The following KCTD16 variants were observed in gnomAD, a reference collection of about 807,000 sequenced individuals.
The protein encoded by KCTD16 is potassium channel tetramerization domain containing 16, also known as BTB/POZ domain-containing protein KCTD16.
Under a neutral mutation model 33.2 loss-of-function variants are expected in KCTD16, and 13 were observed. The observed-to-expected ratio is 0.39, with a 90% CI of 0.25 to 0.62. The LOEUF (loss-of-function observed/expected upper bound fraction) is 0.62, where lower values mean the gene tolerates loss of function less well. KCTD16 is among the 20% of genes least tolerant of loss of function. The pLI, the probability that KCTD16 is intolerant of heterozygous loss-of-function variation, is 0.50. For synonymous variants in KCTD16, 197 were observed against 195.3 expected (o/e 1.01, Z -0.07); for missense variants, 441 against 525.1 (o/e 0.84, Z 1.57).
chr5:144,417,854 C>G (rs1753105203), intron 3 of KCTD16, among the ~76,000 whole-genome samples: 1 of 152,106 alleles, frequency 6.6e-6, no homozygotes, highest in Admixed American at 6.6e-5. Flanking sequence ...GAAGATGTGT[C>G]TGGAATTGGT....
At chr5:144,261,167 C>CAAAA (rs1299878040) in intron 3 of KCTD16, among the ~76,000 whole-genome samples, 50 of 78,038 alleles carry the variant, frequency 6.4e-4, no homozygotes, top group African/African-American at 1.4e-3. Flanking sequence ...GGAACAACAA[C>CAAAA]AAAAAAAAAA....
At chr5:144,252,969 CTT>C in intron 3 of KCTD16, among the ~76,000 whole-genome samples, 1 of 146,676 alleles carries the variant, frequency 6.8e-6, no homozygotes, top group African/African-American at 2.5e-5. Context: ...ATCAGTAGCT[CTT>C]TTGGATTTCC....
At position 144,192,377 on chromosome 5, in the gene KCTD16, G is replaced by T. The variant is rs1352473321; in HGVS notation, c.-326-14012G>T. ...AAATCATATGTTCAATGTGATACAC[G>T]ATTTCATTCTATCAAGTTCTGCCTT... On this transcript the variant is annotated intron_variant, in intron 2 of 3. Transcript: ENST00000512467. Among the ~76,000 whole-genome samples, 3 of 152,140 alleles carry T rather than the reference G, an allele frequency of 2.0e-5. No homozygotes were observed. The East Asian group carries it at 5.8e-4, about 29-fold the overall frequency.
At chr5:144,457,910 G>A (rs1178567562) in intron 3 of KCTD16, among the ~76,000 whole-genome samples, 1 of 152,138 alleles carries the variant, frequency 6.6e-6, no homozygotes, top group Admixed American at 6.5e-5. Context: ...GCATACAACT[G>A]CCCATTGGTG....
At chr5:144,445,714 TCTTCCTCATTTTGGC>T (rs1307666623) in intron 3 of KCTD16, among the ~76,000 whole-genome samples, 1 of 151,904 alleles carries the variant, frequency 6.6e-6, no homozygotes, top group Non-Finnish European at 1.5e-5. Context: ...GCTTTGTTCC[TCTTCCTCATTTTGGC>T]CTAGACCTTT....
At chr5:144,300,479 A>T (rs907126195) in intron 3 of KCTD16, among the ~76,000 whole-genome samples, 3 of 152,212 alleles carry the variant, frequency 2.0e-5, no homozygotes, top group African/African-American at 7.2e-5. Flanking sequence ...GAGACAGTGT[A>T]GTAGAAAGTA....
rs555327611 is a variant in KCTD16 at position 144,236,539 on chromosome 5, G to A, written c.832+28993G>A. On this transcript the variant is annotated intron_variant, in intron 3 of 3. Transcript: ENST00000512467. The stretch of plus-strand genomic sequence containing the variant: ...TATAGCTCTCTTATAGTAATATAGA[G>A]ATAATATAAGATATACACAACTCAT... 3.9e-5 allele frequency among the ~76,000 whole-genome samples: 6 copies of A among 152,252 alleles called. No individual in the cohort carries two copies. In the South Asian group the frequency reaches 1.2e-3, roughly 32 times the overall value.
intron 3 of KCTD16, among the ~76,000 whole-genome samples, chr5:144,426,343 CACG>C (rs1359995285): frequency 6.6e-6 from 1 of 152,164 alleles, no homozygotes; most frequent in Non-Finnish European, 1.5e-5. Context: ...GCATTCTGAT[CACG>C]ACTACTTAAG....
chr5:144,439,407 A>G, intron 3 of KCTD16: 1 of 447,530 alleles, frequency 2.2e-6, no homozygotes, highest in Non-Finnish European at 4.4e-6. Context: ...AGTCCATTAT[A>G]TGAACCATGA....
At chr5:144,209,906 A>G (rs1408409292) in intron 3 of KCTD16, among the ~76,000 whole-genome samples, 5 of 140,298 alleles carry the variant, frequency 3.6e-5, no homozygotes, top group Admixed American at 7.2e-5. Flanking sequence ...GTGTATATAT[A>G]TGTATATATA....
chr5:144,376,989 G>A (rs1752107153), intron 3 of KCTD16, among the ~76,000 whole-genome samples: 1 of 152,172 alleles, frequency 6.6e-6, no homozygotes, highest in Non-Finnish European at 1.5e-5. Context: ...CTTATTGCAG[G>A]CTTGGGTGTA....
chr5:144,346,926 GC>G (rs1194180555), intron 3 of KCTD16, among the ~76,000 whole-genome samples: 1 of 152,046 alleles, frequency 6.6e-6, no homozygotes, highest in East Asian at 1.9e-4. Context: ...AGAAATCTTT[GC>G]CCAGACCCAA....
chr5:144,358,828 T>G (rs911031333), intron 3 of KCTD16, among the ~76,000 whole-genome samples: 1 of 152,182 alleles, frequency 6.6e-6, no homozygotes, highest in Non-Finnish European at 1.5e-5. Context: ...TTGGGCCTCT[T>G]TTATAAAGTC....
At chr5:144,457,462 T>A (rs1310150650) in intron 3 of KCTD16, among the ~76,000 whole-genome samples, 1 of 152,022 alleles carries the variant, frequency 6.6e-6, no homozygotes, top group Non-Finnish European at 1.5e-5. Context: ...TTGCCCAGGT[T>A]AAGGGAGGAG....
At chr5:144,196,330 A>T (rs1026593825) in intron 2 of KCTD16, among the ~76,000 whole-genome samples, 1 of 152,154 alleles carries the variant, frequency 6.6e-6, no homozygotes, top group African/African-American at 2.4e-5. Flanking sequence ...ATAAAACTCC[A>T]TCAGTCACTT....
intron 3 of KCTD16, among the ~76,000 whole-genome samples, chr5:144,466,999 ATATATATTATATATAATATATATAACAC>A (rs1561618929): frequency 2.3e-4 from 11 of 47,878 alleles, no homozygotes; most frequent in Non-Finnish European, 3.6e-4. Flanking sequence ...TATATATATT[ATATATATTATATATAATATATATAACAC>A]TATATATTAT....
At chr5:144,366,135 G>A (rs1032590538) in intron 3 of KCTD16, among the ~76,000 whole-genome samples, 36 of 152,140 alleles carry the variant, frequency 2.4e-4, no homozygotes, top group Non-Finnish European at 4.9e-4. Context: ...TAGATTAGAA[G>A]ATTACCTGAT....
rs1450686318 is a variant in KCTD16, at chr5:144,369,365, A to T, written c.833-104295A>T. On this transcript the variant is annotated intron_variant, in intron 3 of 3. Coordinates refer to ENST00000512467, the MANE Select transcript of KCTD16 (RefSeq NM_020768.4). ...AGCACAGGCATGGAAAAGGTCTCCC[A>T]GGTCCTCCGTATGAGATGGCAGCCA... 3 of 152,242 alleles carry T rather than the reference A, an allele frequency of 2.0e-5. No homozygotes were observed. In the East Asian group the frequency reaches 5.8e-4, roughly 29 times the overall value. The allele number at this position is 152,242 out of a possible 1,614,324, so 9.4% of individuals were successfully genotyped here.
At chr5:144,364,740 A>T (rs1489401732) in intron 3 of KCTD16, among the ~76,000 whole-genome samples, 1 of 152,246 alleles carries the variant, frequency 6.6e-6, no homozygotes, top group Non-Finnish European at 1.5e-5. Context: ...TAATTGCCTT[A>T]TAATTATTTT....
Sources: allele counts gnomAD v4.1 joint callset (sites outside exome capture counted in the v4.1 genomes callset), GRCh38; gene constraint gnomAD v4.1.1; transcripts MANE v1.5; gene names NCBI Gene and HGNC (gene_info 2026-07-23, HGNC 2026-07-21).